Variants in EEIG2 observed in about 807,000 individuals in gnomAD.
EEIG2 encodes EEIG family member 2.
At chr1:108,564,490 T>G in the EEIG2 span, among the ~76,000 whole-genome samples, 1 of 152,222 alleles carries the variant, frequency 6.6e-6, no homozygotes, top group Non-Finnish European at 1.5e-5. Context: ...TTAAGTTGTA[T>G]GCTTAGCATG....
chr1:108,612,002 G>A, the EEIG2 span, among the ~76,000 whole-genome samples: 2 of 151,898 alleles, frequency 1.3e-5, no homozygotes, highest in Non-Finnish European at 2.9e-5. Context: ...CATATAAAAG[G>A]TGAACCAATT....
chr1:108,599,336 T>C, the EEIG2 span, among the ~76,000 whole-genome samples: 144,621 of 152,246 alleles, frequency 0.95, 69,112 homozygotes, highest in Non-Finnish European at 1. Context: ...ACTCCGTAGA[T>C]ATGACTTATT....
At chr1:108,591,573 C>A in the EEIG2 span, among the ~76,000 whole-genome samples, 1 of 152,260 alleles carries the variant, frequency 6.6e-6, no homozygotes, top group East Asian at 1.9e-4. Flanking sequence ...CTGCCAGAAA[C>A]AAGGCAGAGA....
At chr1:108,590,983 C>G in the EEIG2 span, among the ~76,000 whole-genome samples, 2 of 152,306 alleles carry the variant, frequency 1.3e-5, no homozygotes, top group South Asian at 4.1e-4. Context: ...AACATTTCTT[C>G]TGAGTCCTCT....
the EEIG2 span, among the ~76,000 whole-genome samples, chr1:108,574,253 A>G: frequency 4.8e-5 from 7 of 145,634 alleles, no homozygotes; most frequent in East Asian, 4.0e-4. Flanking sequence ...AAATAAGCCA[A>G]TCACAAAAAA....
chr1:108,619,487 A>G, the EEIG2 span, among the ~76,000 whole-genome samples: 2 of 152,242 alleles, frequency 1.3e-5, no homozygotes, highest in South Asian at 2.1e-4. Flanking sequence ...ATATTTAAAT[A>G]TATGTCAAAT....
chr1:108,578,163 T>G, the EEIG2 span, among the ~76,000 whole-genome samples: 1 of 116,906 alleles, frequency 8.6e-6, no homozygotes, highest in Non-Finnish European at 1.8e-5. Flanking sequence ...TCCTGAGACT[T>G]TGCTGAAGTT....
the EEIG2 span, among the ~76,000 whole-genome samples, chr1:108,606,870 C>T: frequency 6.6e-6 from 1 of 151,880 alleles, no homozygotes; most frequent in Admixed American, 6.6e-5. Flanking sequence ...GCTATGTTAC[C>T]CAGGCTAGTC....
At chr1:108,629,797 C>G in the EEIG2 span, 3 of 697,978 alleles carry the variant, frequency 4.3e-6, no homozygotes, top group Non-Finnish European at 7.9e-6. Flanking sequence ...CGAAGAGTTA[C>G]AGCTCTTAGT....
the EEIG2 span, among the ~76,000 whole-genome samples, chr1:108,574,561 G>T: frequency 3.9e-5 from 6 of 152,202 alleles, no homozygotes; most frequent in African/African-American, 1.4e-4. Flanking sequence ...GACCAGCCTG[G>T]CCAACATGGT....
At chr1:108,584,874 A>G in the EEIG2 span, among the ~76,000 whole-genome samples, 1 of 152,266 alleles carries the variant, frequency 6.6e-6, no homozygotes, top group East Asian at 1.9e-4. Flanking sequence ...AGGCAGAAAT[A>G]CATAGAAATA....
chr1:108,576,718 C>G, the EEIG2 span, among the ~76,000 whole-genome samples: 1 of 149,060 alleles, frequency 6.7e-6, no homozygotes, highest in Non-Finnish European at 1.5e-5. Flanking sequence ...TGCGTTGGTT[C>G]CAAGTCTTTG....
At chr1:108,615,148 A>G in the EEIG2 span, among the ~76,000 whole-genome samples, 2 of 152,218 alleles carry the variant, frequency 1.3e-5, no homozygotes, top group Admixed American at 6.5e-5. Context: ...CATTAAGACT[A>G]TGAATTTTGC....
At chr1:108,603,787 C>T in the EEIG2 span, among the ~76,000 whole-genome samples, 1 of 152,038 alleles carries the variant, frequency 6.6e-6, no homozygotes, top group East Asian at 1.9e-4. Context: ...AAAAAAGCAG[C>T]AAATTAAATT....
the EEIG2 span, chr1:108,560,706 C>CAGATCAATAAAATCAGTCGAA: frequency 9.7e-7 from 1 of 1,028,890 alleles, no homozygotes; most frequent in South Asian, 1.7e-5. Context: ...CTGCAAAGTG[C>CAGATCAATAAAATCAGTCGAA]TTTGCAAATG....
At chr1:108,593,956 C>G in the EEIG2 span, among the ~76,000 whole-genome samples, 1 of 152,066 alleles carries the variant, frequency 6.6e-6, no homozygotes, top group African/African-American at 2.4e-5. Flanking sequence ...CAGGCGTACA[C>G]CACCATGCTC....
chr1:108,635,284 T>C, the EEIG2 span: 1 of 1,151,376 alleles, frequency 8.7e-7, no homozygotes, highest in Non-Finnish European at 1.3e-6. Context: ...GTTTCTTCTC[T>C]GGAAGGACCC....
At chr1:108,600,517 A>G in the EEIG2 span, 1 of 1,592,638 alleles carries the variant, frequency 6.3e-7, no homozygotes, top group Non-Finnish European at 8.6e-7. Flanking sequence ...GCTTTTTAAC[A>G]TGTCATCAAT....
the EEIG2 span, chr1:108,626,819 A>T: frequency 6.6e-6 from 1 of 152,192 alleles, no homozygotes; most frequent in Non-Finnish European, 1.5e-5. Flanking sequence ...CAAAGAAGGC[A>T]TGCTCTTCCC....
Sources: allele counts gnomAD v4.1 joint callset (sites outside exome capture counted in the v4.1 genomes callset), GRCh38; gene constraint gnomAD v4.1.1; transcripts MANE v1.5; gene names NCBI Gene and HGNC (gene_info 2026-07-23, HGNC 2026-07-21).